Variants in PCDHA3 observed in about 807,000 individuals in gnomAD.
PCDHA3 encodes the protein protocadherin alpha 3, also known as protocadherin alpha-3.
PCDHA3 carries 41 observed loss-of-function variants against 62.2 expected under a neutral mutation model. The observed-to-expected ratio is 0.66, with a 90% CI of 0.51 to 0.86. The LOEUF is 0.86. Ranked by LOEUF, PCDHA3 falls within the 40% of genes least tolerant of loss-of-function variation. The probability of loss-of-function intolerance (pLI) is 0.00; values close to 1 mark genes in which losing one functional copy is unlikely to be tolerated. For synonymous variants in PCDHA3, 640 were observed against 555.4 expected (o/e 1.15, Z -2.14); for missense variants, 1,304 against 1,241.2 (o/e 1.05, Z -0.76).
chr5:140,829,097 G>A, intron 1 of PCDHA3: 7 of 1,611,762 alleles, frequency 4.3e-6, no homozygotes, highest in Non-Finnish European at 5.9e-6. Context: ...TCATTGCACC[G>A]TTTTAGTGAG....
chr5:140,848,615 A>G, intron 1 of PCDHA3: 1 of 1,593,618 alleles, frequency 6.3e-7, no homozygotes, highest in East Asian at 2.2e-5. Flanking sequence ...AGGAAGCCGA[A>G]CACGGCACCT....
At chr5:140,868,818 T>TG (rs1170928689) in intron 1 of PCDHA3, 2 of 385,940 alleles carry the variant, frequency 5.2e-6, no homozygotes, top group Non-Finnish European at 9.1e-6. Flanking sequence ...TGGAAATATT[T>TG]GGGGGAAGAA....
rs782325875 is a variant in PCDHA3, at chr5:140,979,026, A to T, written c.2453+19A>T. The T allele has an allele frequency of 6.2e-7, 1 of 1,613,490 alleles. No homozygotes were observed. The highest frequency in any genetic ancestry group is 1.1e-5 in the South Asian group (1 of 90,898). On this transcript the variant is annotated intron_variant, in intron 2 of 3. Transcript: ENST00000522353. ...TGCACAGGTATGTATTTCCCTCCTC[A>T]TTCACTCAGAAGTAACCTTAACTTG...
chr5:140,851,858 A>T, intron 1 of PCDHA3: 3 of 973,970 alleles, frequency 3.1e-6, no homozygotes, highest in Non-Finnish European at 3.7e-6. Flanking sequence ...CTCTCAGCTC[A>T]TACATAACAC....
intron 1 of PCDHA3, chr5:140,808,752 C>T (rs1554124761): frequency 6.2e-7 from 1 of 1,612,236 alleles, no homozygotes; most frequent in Admixed American, 1.7e-5. Flanking sequence ...GCGCTGCAGC[C>T]GCTGGACCAC....
chr5:140,843,800 C>T (rs2150366866), intron 1 of PCDHA3: 5 of 1,342,480 alleles, frequency 3.7e-6, no homozygotes, highest in East Asian at 2.3e-5. Context: ...TAGTTTTTCA[C>T]CGTATTTTAT....
At chr5:140,980,730 A>G (rs1227353445) in intron 2 of PCDHA3, among the ~76,000 whole-genome samples, 2 of 152,176 alleles carry the variant, frequency 1.3e-5, no homozygotes, top group Non-Finnish European at 2.9e-5. Context: ...CAATTAAGAT[A>G]TTATGAGATT....
rs1763129219 is a variant in PCDHA3 at position 140,803,151 on chromosome 5, A to G, written c.1954A>G (p.Lys652Glu). ...APRHRLLVLV[K>E]DHGEPSLTAT... ...GCGCCATCGCCTACTGGTGCTGGTG[A>G]AGGACCACGGTGAACCCTCATTGAC... Residue 652 changes from lysine to glutamate, a missense_variant, in exon 1 of 4, where the codon AAG becomes GAG. By Grantham distance (56) the Lys-to-Glu change is moderately conservative. Coordinates refer to ENST00000522353, the MANE Select transcript of PCDHA3 (RefSeq NM_018906.3). The G allele has an allele frequency of 6.2e-7, 1 of 1,613,848 alleles. No individual in the cohort carries two copies. The highest frequency in any genetic ancestry group is 8.5e-7 in the Non-Finnish European group (1 of 1,179,928).
At chr5:140,926,926 T>C in intron 1 of PCDHA3, 1 of 1,573,576 alleles carries the variant, frequency 6.4e-7, no homozygotes, top group South Asian at 1.2e-5. Flanking sequence ...TTTATGTTTG[T>C]GGGTTTCCTG....
chr5:141,008,718 T>C (rs2098388409), intron 3 of PCDHA3, among the ~76,000 whole-genome samples: 1 of 152,230 alleles, frequency 6.6e-6, no homozygotes, highest in Non-Finnish European at 1.5e-5. Context: ...TGCTTGAGTG[T>C]ATGTCCAACT....
At chr5:140,889,257 A>G (rs946372435) in intron 1 of PCDHA3, among the ~76,000 whole-genome samples, 1 of 151,854 alleles carries the variant, frequency 6.6e-6, no homozygotes, top group Non-Finnish European at 1.5e-5. Flanking sequence ...TTTCCTGTAA[A>G]AGTTTGTATA....
At chr5:140,873,086 C>G (rs984385666) in intron 1 of PCDHA3, among the ~76,000 whole-genome samples, 1 of 152,122 alleles carries the variant, frequency 6.6e-6, no homozygotes, top group Non-Finnish European at 1.5e-5. Context: ...ATTTCCCCCC[C>G]GTATAGAGGC....
intron 1 of PCDHA3, chr5:140,857,554 G>C: frequency 1.3e-6 from 2 of 1,596,880 alleles, no homozygotes; most frequent in Non-Finnish European, 1.7e-6. Flanking sequence ...GCGAGCGCTC[G>C]CTGTCGAGCT....
chr5:140,869,817 T>G, intron 1 of PCDHA3: 1 of 1,612,264 alleles, frequency 6.2e-7, no homozygotes, highest in Non-Finnish European at 8.5e-7. Flanking sequence ...TCAACGACAA[T>G]GATCCAGAGT....
chr5:140,810,525 G>C (rs1764675937), intron 1 of PCDHA3: 1 of 151,988 alleles, frequency 6.6e-6, no homozygotes, highest in Non-Finnish European at 1.5e-5. Context: ...CATTTTACTG[G>C]GTGACTTTTG....
In PCDHA3 at chr5:140,858,699, A is replaced by T; in HGVS notation, c.2394+55108A>T. ...GAATACACTAATATTTTCCAATACAAATATGTGATATAGGTTGCAGTTCTG... is the reference window on the plus strand; with the variant it reads ...GAATACACTAATATTTTCCAATACATATATGTGATATAGGTTGCAGTTCTG... On this transcript the variant is annotated intron_variant, in intron 1 of 3. Coordinates refer to ENST00000522353, the MANE Select transcript of PCDHA3 (RefSeq NM_018906.3). 3.6e-6 allele frequency: 2 copies of T among 561,894 alleles called. 1 individual carries two copies. The highest frequency in any genetic ancestry group is 6.1e-6 in the Non-Finnish European group (2 of 326,852). 34.8% of individuals were successfully genotyped at this position (561,894 alleles called of 1,614,324 possible).
At chr5:140,862,566 T>G in intron 1 of PCDHA3, 4 of 478,186 alleles carry the variant, frequency 8.4e-6, no homozygotes, top group South Asian at 4.9e-5. Context: ...TGAACCACAA[T>G]GCCCTGGCGT....
intron 1 of PCDHA3, chr5:140,809,614 T>C: frequency 2.0e-6 from 3 of 1,520,110 alleles, no homozygotes; most frequent in Non-Finnish European, 2.6e-6. Context: ...CGTATTGTTT[T>C]TCTCTATCAA....
intron 1 of PCDHA3, chr5:140,851,957 G>A: frequency 1.0e-6 from 1 of 975,112 alleles, no homozygotes; most frequent in Non-Finnish European, 1.2e-6. Flanking sequence ...TCAAAATGGT[G>A]GTTTTCCACA....
Sources: allele counts gnomAD v4.1 joint callset (sites outside exome capture counted in the v4.1 genomes callset), GRCh38; gene constraint gnomAD v4.1.1; transcripts MANE v1.5; gene names NCBI Gene and HGNC (gene_info 2026-07-23, HGNC 2026-07-21).